CDKL1: variants seen among roughly 807,000 people sequenced by gnomAD.
CDKL1 encodes cyclin-dependent kinase-like 1.
Under a neutral mutation model 42.0 loss-of-function variants are expected in CDKL1, and 41 were observed. The observed-to-expected ratio is 0.98, with a 90% CI of 0.76 to 1.27. CDKL1 has a LOEUF of 1.27. Among genes scored for constraint, CDKL1 ranks in the 50% most tolerant of loss-of-function variants. The pLI is 0.00. For missense variants in CDKL1, 394 were observed against 428.4 expected, an observed-to-expected ratio of 0.92 and a Z score of 0.71; for synonymous variants, 153 against 158.6, an observed-to-expected ratio of 0.96 and a Z score of 0.26.
Position 50,359,107 on chromosome 14 carries a change from T to G in CDKL1, c.211A>C (p.Arg71=). The G allele has an allele frequency of 6.2e-7, 1 of 1,613,070 alleles. No individual in the cohort carries two copies. The highest frequency in any genetic ancestry group is 1.1e-5 in the South Asian group (1 of 91,006). The change falls in exon 3 of 10, where the codon AGG becomes CGG. Residue 71 remains arginine, a synonymous_variant. Coordinates refer to ENST00000395834, the MANE Select transcript of CDKL1 (RefSeq NM_004196.7). ...ACCAGGTGAAGCCTCCGTTTCCTCC[T>G]GAAGACTTCCAGGAGGTTAACAAGG... ...PNLVNLLEVF[R]RKRRLHLVFE... is the part of the protein sequence containing the mutation.
intron 2 of CDKL1, among the ~76,000 whole-genome samples, chr14:50,364,295 T>TCG (rs1339227544): frequency 6.6e-6 from 1 of 152,090 alleles, no homozygotes; most frequent in Non-Finnish European, 1.5e-5. Context: ...ATTGTGAAAC[T>TCG]CTGTCTCTAC....
chr14:50,363,057 C>G (rs1369628550), intron 2 of CDKL1: 2 of 416,236 alleles, frequency 4.8e-6, no homozygotes, highest in African/African-American at 4.1e-5. Context: ...AAGAACAACT[C>G]CAAACACACT....
intron 2 of CDKL1, among the ~76,000 whole-genome samples, chr14:50,371,364 T>TTTTCTCCAC (rs1372059013): frequency 1.3e-5 from 2 of 152,218 alleles, no homozygotes; most frequent in Non-Finnish European, 2.9e-5. Context: ...AAGGGTTTCT[T>TTTTCTCCAC]TTTCTCCACA....
intron 2 of CDKL1, chr14:50,378,393 T>C (rs1211630684): frequency 7.3e-7 from 1 of 1,366,270 alleles, no homozygotes; most frequent in Non-Finnish European, 9.8e-7. Flanking sequence ...CCAGCAGCCG[T>C]CTTGAAGGGG....
In CDKL1 at chr14:50,335,810, TTTGGACA is replaced by T. The variant is rs1184320837; in HGVS notation, c.739-1196_739-1190del. 3.0e-6 allele frequency: 3 copies of T among 985,192 alleles called. No homozygotes were observed. The African/African-American group carries it at 5.2e-5, about 17-fold the overall frequency. 61.0% of individuals were successfully genotyped at this position (985,192 alleles called of 1,614,324 possible). ...GCCAGCTTTCACAGTACAGTATTAT[TTTGGACA>T]GGCAACCAGCTCCCAATAACCAATT... is the stretch of plus-strand genomic sequence containing the variant. On this transcript the variant is annotated intron_variant, in intron 7 of 9. Transcript: ENST00000395834.
Position 50,355,352 on chromosome 14 carries a change from A to C in CDKL1, c.290+3676T>G, listed in dbSNP as rs535976471. ...TCAAAGTAGACTTGCTGGGTTTAAG[A>C]TAATGCCTCTAAGACTTTTAATTCC... On this transcript the variant is annotated intron_variant, in intron 3 of 9. Coordinates refer to ENST00000395834, the MANE Select transcript of CDKL1 (RefSeq NM_004196.7). Among the ~76,000 whole-genome samples, 15 of 152,338 alleles carry C rather than the reference A, an allele frequency of 9.8e-5. No individual in the cohort carries two copies. The South Asian group carries it at 2.7e-3, about 27-fold the overall frequency.
chr14:50,390,459 A>G (rs1418951811), intron 2 of CDKL1: 1 of 1,197,338 alleles, frequency 8.4e-7, no homozygotes, highest in South Asian at 1.4e-5. Context: ...GGGCCTTAGT[A>G]ATACAATTAT....
intron 2 of CDKL1, among the ~76,000 whole-genome samples, chr14:50,361,526 G>A (rs544710124): frequency 2.2e-4 from 34 of 152,276 alleles, no homozygotes; most frequent in Admixed American, 2.0e-3. Flanking sequence ...TGGTGTCTGC[G>A]GAGGCATGCT....
In CDKL1 at chr14:50,373,827, G is replaced by A. The variant is rs114833194; in HGVS notation, c.169-14678C>T. On this transcript the variant is annotated intron_variant, in intron 2 of 9. Transcript: ENST00000395834. ...CAGAACCTCTCATTCACTGCTGGTC[G>A]GTGTGCTAAATCAGACAGCCACTTT... is the stretch of plus-strand genomic sequence containing the variant. Among the ~76,000 whole-genome samples, 1,055 of 152,218 alleles carry A rather than the reference G, an allele frequency of 6.9e-3. 18 individuals carry two copies. The highest frequency in any genetic ancestry group is 0.024 in the African/African-American group (992 of 41,526).
At chr14:50,389,306 C>T (rs916481736) in intron 2 of CDKL1, among the ~76,000 whole-genome samples, 3 of 152,066 alleles carry the variant, frequency 2.0e-5, no homozygotes, top group African/African-American at 4.8e-5. Flanking sequence ...CTAGGATACA[C>T]TCAACAGTGC....
At chr14:50,386,573 A>C (rs758097455) in intron 2 of CDKL1, among the ~76,000 whole-genome samples, 2 of 152,202 alleles carry the variant, frequency 1.3e-5, no homozygotes, top group Non-Finnish European at 2.9e-5. Context: ...TCAGAATAAA[A>C]GGTTGTAGGA....
intron 9 of CDKL1, 117 bp downstream of exon 9, chr14:50,332,145 C>T: frequency 6.2e-7 from 1 of 1,612,758 alleles, no homozygotes; most frequent in African/African-American, 1.3e-5. Context: ...ATCCTATGAC[C>T]TGTCTCCTAG....
At chr14:50,355,807 G>A (rs2034038094) in intron 3 of CDKL1, among the ~76,000 whole-genome samples, 1 of 152,242 alleles carries the variant, frequency 6.6e-6, no homozygotes, top group Admixed American at 6.5e-5. Flanking sequence ...GTACAATAGA[G>A]AAAGTAAGGA....
At chr14:50,371,441 CATT>C (rs2034587456) in intron 2 of CDKL1, among the ~76,000 whole-genome samples, 1 of 152,182 alleles carries the variant, frequency 6.6e-6, no homozygotes, top group African/African-American at 2.4e-5. Flanking sequence ...GATGATATAT[CATT>C]GTGGTTTAAA....
chr14:50,341,470 G>GTT (rs1159125050), intron 5 of CDKL1, among the ~76,000 whole-genome samples: 2 of 133,740 alleles, frequency 1.5e-5, no homozygotes, highest in Non-Finnish European at 3.2e-5. Flanking sequence ...GGGGGGGGGG[G>GTT]GGTTATTTGG....
intron 2 of CDKL1, among the ~76,000 whole-genome samples, chr14:50,382,752 C>T (rs1361036549): frequency 1.4e-5 from 2 of 141,754 alleles, no homozygotes; most frequent in African/African-American, 5.4e-5. Context: ...CACCACCACA[C>T]CTGGGTAATT....
chr14:50,392,977 C>T (rs1031745082), intron 2 of CDKL1, among the ~76,000 whole-genome samples: 1 of 152,164 alleles, frequency 6.6e-6, no homozygotes, highest in Admixed American at 6.5e-5. Context: ...TTGATCCTGC[C>T]GGACCCTGGC....
At position 50,341,070 on chromosome 14, in the gene CDKL1, G is replaced by T; in HGVS notation, c.617C>A (p.Ser206Ter). Residue 206 changes from serine (S) to a stop codon, truncating the protein, a stop_gained, in exon 6 of 10, where the codon TCG becomes TAG. Coordinates refer to ENST00000395834, the MANE Select transcript of CDKL1 (RefSeq NM_004196.7). LOFTEE classifies it high-confidence loss of function. The part of the protein sequence containing the change: ...LSGVPLWPGK[S>*]DVDQLYLIRK... Reference sequence around the variant, plus strand: ...AATCAGATACAGCTGATCCACATCCGATTTTCCTGGCCACAGAGGCACTCC... The same window carrying T: ...AATCAGATACAGCTGATCCACATCCTATTTTCCTGGCCACAGAGGCACTCC... The T allele has an allele frequency of 6.2e-7, 1 of 1,613,950 alleles. No homozygotes were observed. Among genetic ancestry groups the T allele is most frequent in the Non-Finnish European group, 8.5e-7 (1 of 1,180,032 alleles).
chr14:50,392,058 C>G (rs558140357), intron 2 of CDKL1, among the ~76,000 whole-genome samples: 3 of 152,186 alleles, frequency 2.0e-5, no homozygotes, highest in Non-Finnish European at 4.4e-5. Flanking sequence ...CGCCAAAGAC[C>G]CTCACATGAT....
Sources: allele counts gnomAD v4.1 joint callset (sites outside exome capture counted in the v4.1 genomes callset), GRCh38; gene constraint gnomAD v4.1.1; transcripts MANE v1.5; gene names NCBI Gene and HGNC (gene_info 2026-07-23, HGNC 2026-07-21).